Variants in BAZ2B observed in about 807,000 individuals in gnomAD.
BAZ2B encodes bromodomain adjacent to zinc finger domain protein 2B.
In BAZ2B, 91 loss-of-function variants were observed where a neutral mutation model predicts 246.0. That is an observed-to-expected ratio of 0.37 (90% CI 0.31 to 0.44). The LOEUF (loss-of-function observed/expected upper bound fraction) is 0.44. Ranked by LOEUF, BAZ2B falls within the 20% of genes least tolerant of loss-of-function variation. The probability of loss-of-function intolerance (pLI) is 1.00; values close to 1 mark genes in which losing one functional copy is unlikely to be tolerated. For synonymous variants in BAZ2B, 855 were observed against 860.0 expected, an observed-to-expected ratio of 0.99 and a Z score of 0.10; for missense variants, 2,332 against 2,533.7, an observed-to-expected ratio of 0.92 and a Z score of 1.71.
Position 159,363,702 on chromosome 2 carries a change from G to A in BAZ2B, c.4213+9343C>T, listed in dbSNP as rs1437668492. On this transcript the variant is annotated intron_variant, in intron 27 of 36. Coordinates refer to ENST00000392783, the MANE Select transcript of BAZ2B (RefSeq NM_013450.4). ...CAGAAGGAATGATAAGACAGAAATT[G>A]AGAGACGGCCTAATTCTTGAGTGTG... Among the ~76,000 whole-genome samples the A allele has an allele frequency of 2.6e-5, 4 of 152,324 alleles. No individual in the cohort carries two copies. The East Asian group carries it at 7.7e-4, about 29-fold the overall frequency.
At chr2:159,530,448 TATAA>T (rs1466355691) in intron 2 of BAZ2B, among the ~76,000 whole-genome samples, 1 of 152,234 alleles carries the variant, frequency 6.6e-6, no homozygotes, top group Non-Finnish European at 1.5e-5. Flanking sequence ...TCAGTATATC[TATAA>T]ATAATCTATA....
intron 1 of BAZ2B, among the ~76,000 whole-genome samples, chr2:159,599,752 C>T (rs978166904): frequency 4.0e-5 from 6 of 151,700 alleles, no homozygotes; most frequent in East Asian, 1.9e-4. Flanking sequence ...CTGGCTAACA[C>T]GGTGAAACCC....
chr2:159,459,201 G>T lies in BAZ2B; in HGVS notation c.146-5400C>A, dbSNP rs370441445. ...TGTCCTTTATCAGACCATTACTAGGGTATAAAAGTTATGAAGGAAACAGCC... is the reference window on the plus strand; with the variant it reads ...TGTCCTTTATCAGACCATTACTAGGTTATAAAAGTTATGAAGGAAACAGCC... On this transcript the variant is annotated intron_variant, in intron 3 of 36. Coordinates refer to ENST00000392783, the MANE Select transcript of BAZ2B (RefSeq NM_013450.4). The T allele has an allele frequency of 2.6e-5, 4 of 152,178 alleles. No individual in the cohort carries two copies. The East Asian group carries it at 7.7e-4, about 29-fold the overall frequency. The allele number at this position is 152,178 out of a possible 1,614,324, so 9.4% of individuals were successfully genotyped here. A position where few individuals can be genotyped will look rare whatever the true frequency, so the allele number is the denominator to read the frequency against.
intron 1 of BAZ2B, among the ~76,000 whole-genome samples, chr2:159,572,213 T>C (rs1465793610): frequency 3.3e-5 from 5 of 152,198 alleles, no homozygotes; most frequent in African/African-American, 1.2e-4. Context: ...AACTGGATGC[T>C]CATTTGTTAT....
chr2:159,341,379 T>C (rs1460751576), intron 31 of BAZ2B, among the ~76,000 whole-genome samples: 2 of 152,094 alleles, frequency 1.3e-5, no homozygotes, highest in Admixed American at 1.3e-4. Context: ...ACTCAATACA[T>C]AAAGCAAATA....
At chr2:159,601,505 A>C (rs1223951812) in intron 1 of BAZ2B, among the ~76,000 whole-genome samples, 1 of 151,984 alleles carries the variant, frequency 6.6e-6, no homozygotes, top group Admixed American at 6.6e-5. Context: ...GGTGGATCAC[A>C]AGTTCAGGAG....
chr2:159,494,962 T>C (rs1218296346), intron 2 of BAZ2B, among the ~76,000 whole-genome samples: 1 of 152,130 alleles, frequency 6.6e-6, no homozygotes, highest in Non-Finnish European at 1.5e-5. Context: ...TAGTAAGAAA[T>C]TGAGCTAAGT....
At chr2:159,443,681 C>T (rs944192057) in intron 6 of BAZ2B, among the ~76,000 whole-genome samples, 2 of 152,042 alleles carry the variant, frequency 1.3e-5, no homozygotes, top group African/African-American at 4.8e-5. Context: ...CTTGAATAGA[C>T]AATCTCTCTA....
intron 3 of BAZ2B, among the ~76,000 whole-genome samples, chr2:159,455,138 G>A (rs1042242874): frequency 2.6e-5 from 4 of 152,052 alleles, no homozygotes; most frequent in African/African-American, 7.2e-5. Context: ...TATCAGTCCT[G>A]ACTGTGCACT....
chr2:159,368,532 A>C (rs2060466212), intron 27 of BAZ2B, among the ~76,000 whole-genome samples: 1 of 152,190 alleles, frequency 6.6e-6, no homozygotes, highest in Non-Finnish European at 1.5e-5. Context: ...ATATTCCCTT[A>C]TTATTTCATT....
chr2:159,586,697 T>C (rs1450711058), intron 1 of BAZ2B, among the ~76,000 whole-genome samples: 1 of 152,072 alleles, frequency 6.6e-6, no homozygotes, highest in African/African-American at 2.4e-5. Context: ...AATGAGATCC[T>C]GTCCCTACTT....
chr2:159,422,746 T>A (rs973904555), intron 13 of BAZ2B, among the ~76,000 whole-genome samples: 1 of 152,240 alleles, frequency 6.6e-6, no homozygotes, highest in East Asian at 1.9e-4. Flanking sequence ...CTAGAGCTTC[T>A]GTACAGCAAA....
At chr2:159,502,546 A>G (rs2081955910) in intron 2 of BAZ2B, among the ~76,000 whole-genome samples, 1 of 151,672 alleles carries the variant, frequency 6.6e-6, no homozygotes, top group Admixed American at 6.6e-5. Context: ...AGACAAGAGG[A>G]CTGCCTGAGC....
At chr2:159,709,374 T>C in the BAZ2B span, among the ~76,000 whole-genome samples, 1 of 152,166 alleles carries the variant, frequency 6.6e-6, no homozygotes, top group Non-Finnish European at 1.5e-5. Context: ...AAGGAGTAAG[T>C]TCTAATGTTT....
chr2:159,336,590 A>G (rs1445994341), intron 33 of BAZ2B, among the ~76,000 whole-genome samples: 3 of 152,258 alleles, frequency 2.0e-5, no homozygotes, highest in Non-Finnish European at 2.9e-5. Flanking sequence ...TTAGCTACGC[A>G]GTAATATAGC....
At chr2:159,665,004 C>T in the BAZ2B span, among the ~76,000 whole-genome samples, 2 of 150,392 alleles carry the variant, frequency 1.3e-5, no homozygotes, top group African/African-American at 4.9e-5. Context: ...TCAGCAAAGT[C>T]TCAGGATACA....
intron 2 of BAZ2B, among the ~76,000 whole-genome samples, chr2:159,490,061 AAACT>A (rs1166498399): frequency 2.0e-5 from 3 of 152,220 alleles, no homozygotes; most frequent in African/African-American, 4.8e-5. Flanking sequence ...TCAATGTCAA[AAACT>A]AACTTCTTAT....
intron 1 of BAZ2B, chr2:159,615,647 G>A (rs1443192658): frequency 6.6e-6 from 1 of 152,284 alleles, no homozygotes; most frequent in Non-Finnish European, 1.5e-5. Flanking sequence ...GGACGGGGGT[G>A]GGGGGTGATC....
intron 2 of BAZ2B, among the ~76,000 whole-genome samples, chr2:159,490,373 C>G (rs994047292): frequency 6.6e-6 from 1 of 152,066 alleles, no homozygotes; most frequent in African/African-American, 2.4e-5. Context: ...ACGCGACCTC[C>G]TAGAAGTTTA....
Sources: allele counts gnomAD v4.1 joint callset (sites outside exome capture counted in the v4.1 genomes callset), GRCh38; gene constraint gnomAD v4.1.1; transcripts MANE v1.5; gene names NCBI Gene and HGNC (gene_info 2026-07-23, HGNC 2026-07-21).